TULP4: variants seen among roughly 807,000 people sequenced by gnomAD.
The protein encoded by TULP4 is TUB like protein 4.
Under a neutral mutation model 129.0 loss-of-function variants are expected in TULP4, and 16 were observed. That is an observed-to-expected ratio of 0.12 (90% CI 0.08 to 0.19). The LOEUF (loss-of-function observed/expected upper bound fraction) is 0.19, where lower values mean the gene tolerates loss of function less well. Among genes scored for constraint, TULP4 ranks in the 10% least tolerant of loss-of-function variants. The pLI is 1.00. For synonymous variants in TULP4, 998 were observed against 854.0 expected (o/e 1.17, Z -2.94); for missense variants, 1,842 against 2,059.1 (o/e 0.89, Z 2.04).
intron 1 of TULP4, among the ~76,000 whole-genome samples, chr6:158,238,833 A>G (rs1182306201): frequency 2.3e-4 from 23 of 100,164 alleles, no homozygotes; most frequent in African/African-American, 7.7e-4. Flanking sequence ...ACTTCTTTCT[A>G]CACAGACACG....
At chr6:158,314,816 C>T (rs934685645) in intron 1 of TULP4, among the ~76,000 whole-genome samples, 6 of 152,178 alleles carry the variant, frequency 3.9e-5, no homozygotes, top group Non-Finnish European at 8.8e-5. Context: ...TAGTTTTTCA[C>T]ATGTATAGGG....
At chr6:158,338,756 TG>T (rs986804543) in intron 1 of TULP4, among the ~76,000 whole-genome samples, 1 of 152,104 alleles carries the variant, frequency 6.6e-6, no homozygotes, top group Non-Finnish European at 1.5e-5. Flanking sequence ...AGGGACCAGG[TG>T]GGATTGGTAG....
At chr6:158,290,810 C>T (rs1778924399) in intron 1 of TULP4, among the ~76,000 whole-genome samples, 1 of 151,924 alleles carries the variant, frequency 6.6e-6, no homozygotes, top group Non-Finnish European at 1.5e-5. Flanking sequence ...AGTTTTCTAC[C>T]TTCCCCCCCA....
At chr6:158,254,800 C>T (rs946241143) in intron 1 of TULP4, among the ~76,000 whole-genome samples, 2 of 152,152 alleles carry the variant, frequency 1.3e-5, no homozygotes, top group East Asian at 1.9e-4. Flanking sequence ...GGCCAGGTGC[C>T]GTGGCTCACG....
intron 3 of TULP4, among the ~76,000 whole-genome samples, chr6:158,435,600 G>A (rs540101188): frequency 6.6e-6 from 1 of 152,026 alleles, no homozygotes; most frequent in South Asian, 2.1e-4. Context: ...CATCCTTTGG[G>A]TGATTTCCTC....
chr6:158,280,173 G>A (rs1288503323), upstream of TULP4, among the ~76,000 whole-genome samples: 1 of 152,004 alleles, frequency 6.6e-6, no homozygotes, highest in African/African-American at 2.4e-5. Context: ...TTGTAGTATA[G>A]CATTAATCTT....
chr6:158,425,632 C>T (rs544005820), intron 2 of TULP4, among the ~76,000 whole-genome samples: 5 of 150,574 alleles, frequency 3.3e-5, no homozygotes, highest in South Asian at 2.1e-4. Flanking sequence ...TTTTTTGAGA[C>T]GGAGTCCCAC....
At chr6:158,280,220 TA>T (rs952033949), upstream of TULP4, among the ~76,000 whole-genome samples, 5 of 152,082 alleles carry the variant, frequency 3.3e-5, no homozygotes, top group Non-Finnish European at 5.9e-5. Context: ...TGAATACACT[TA>T]AAAAAAACTT....
chr6:158,418,114 T>G (rs1032907376), intron 2 of TULP4, among the ~76,000 whole-genome samples: 5 of 133,914 alleles, frequency 3.7e-5, no homozygotes, highest in Admixed American at 7.2e-5. Context: ...TTTTTTTTTT[T>G]TTGGGAGCGG....
At chr6:158,441,197 C>A (rs1778889805) in intron 3 of TULP4, among the ~76,000 whole-genome samples, 1 of 151,976 alleles carries the variant, frequency 6.6e-6, no homozygotes, top group Non-Finnish European at 1.5e-5. Flanking sequence ...GGCTGTAATC[C>A]CAGCTAGTCG....
rs1002950879 is a variant in TULP4, at chr6:158,312,688, T to G, written c.-1329T>G. 1 of 152,206 alleles carries G rather than the reference T, an allele frequency of 6.6e-6. No individual in the cohort carries two copies. 9.4% of individuals were successfully genotyped at this position (152,206 alleles called of 1,614,324 possible). A position where few individuals can be genotyped will look rare whatever the true frequency, so the allele number is the denominator to read the frequency against. Reference sequence around the variant, plus strand: ...ATTTTAATTTATTATTCCCCCCCTTTTTTCCTGCATCTATAGGATAATATT... The same window carrying G: ...ATTTTAATTTATTATTCCCCCCCTTGTTTCCTGCATCTATAGGATAATATT... On this transcript the variant is annotated 5_prime_UTR_variant, in exon 1 of 14. Coordinates refer to ENST00000367097, the MANE Select transcript of TULP4 (RefSeq NM_020245.5).
chr6:158,442,065 C>T (rs1037476960), intron 3 of TULP4, among the ~76,000 whole-genome samples: 1 of 152,168 alleles, frequency 6.6e-6, no homozygotes, highest in Admixed American at 6.5e-5. Flanking sequence ...CTCATTCTCC[C>T]TACTGCAGCA....
At chr6:158,420,899 G>A (rs1325751511) in intron 2 of TULP4, among the ~76,000 whole-genome samples, 5 of 152,096 alleles carry the variant, frequency 3.3e-5, no homozygotes, top group African/African-American at 4.8e-5. Context: ...ACAAAGCGTC[G>A]AACTCTGTAA....
At chr6:158,333,358 A>G (rs911518815) in intron 1 of TULP4, among the ~76,000 whole-genome samples, 1 of 152,224 alleles carries the variant, frequency 6.6e-6, no homozygotes, top group Non-Finnish European at 1.5e-5. Context: ...GTGAGCTCAC[A>G]GTGAGATGGT....
chr6:158,454,608 C>CTTT (rs374123610), intron 5 of TULP4, among the ~76,000 whole-genome samples: 1 of 143,208 alleles, frequency 7.0e-6, no homozygotes, highest in African/African-American at 2.6e-5. Context: ...ACAGTTCTCT[C>CTTT]TTTTTTTTTT....
At chr6:158,236,576 C>T (rs554459855) in intron 1 of TULP4, among the ~76,000 whole-genome samples, 2 of 151,190 alleles carry the variant, frequency 1.3e-5, no homozygotes, top group South Asian at 4.2e-4. Context: ...TTGGAATGCT[C>T]AGAAGATTCC....
At chr6:158,494,451 G>A (rs1006677836) in intron 10 of TULP4, among the ~76,000 whole-genome samples, 1 of 152,170 alleles carries the variant, frequency 6.6e-6, no homozygotes, top group Non-Finnish European at 1.5e-5. Context: ...AAATATCAAA[G>A]ATAAAAATGG....
chr6:158,292,496 TG>T (rs1307682288), intron 1 of TULP4, among the ~76,000 whole-genome samples: 1 of 152,234 alleles, frequency 6.6e-6, no homozygotes, highest in Non-Finnish European at 1.5e-5. Context: ...TTACATTTGT[TG>T]TAATTTACTC....
At chr6:158,390,070 C>CAA (rs759986693) in intron 1 of TULP4, among the ~76,000 whole-genome samples, 8 of 79,676 alleles carry the variant, frequency 1.0e-4, no homozygotes, top group Non-Finnish European at 1.6e-4. Flanking sequence ...GACTCCGTCT[C>CAA]AAAAAAAAAA....
Sources: gnomAD v4.1 joint callset for allele counts (sites outside exome capture counted in the v4.1 genomes callset) on GRCh38, gnomAD v4.1.1 for gene constraint, MANE v1.5 for transcripts, NCBI Gene and HGNC (gene_info 2026-07-23, HGNC 2026-07-21) for gene names.